The following COL4A1 variants were observed in gnomAD, a reference collection of about 807,000 sequenced individuals.
COL4A1 encodes collagen type IV alpha 1 chain.
Under a neutral mutation model 216.6 loss-of-function variants are expected in COL4A1, and 40 were observed. That is an observed-to-expected ratio of 0.18 (90% CI 0.14 to 0.24). COL4A1 has a LOEUF of 0.24. COL4A1 is among the 10% of genes least tolerant of loss of function. The probability of loss-of-function intolerance (pLI) is 1.00; values close to 1 mark genes in which losing one functional copy is unlikely to be tolerated. For synonymous variants in COL4A1, 839 were observed against 810.7 expected (o/e 1.03, Z -0.59); for missense variants, 1,628 against 2,196.8 (o/e 0.74, Z 5.18).
In COL4A1 at chr13:110,207,172, A is replaced by C. The variant is rs1391850700; in HGVS notation, c.780+231T>G. Among the ~76,000 whole-genome samples the C allele has an allele frequency of 6.6e-6, 1 of 151,758 alleles. No homozygotes were observed. The highest frequency in any genetic ancestry group is 1.5e-5 in the Non-Finnish European group (1 of 67,978). On this transcript the variant is annotated intron_variant, in intron 13 of 51. Transcript: ENST00000375820. The surrounding 1 kb of genome is among the most constrained non-coding windows in gnomAD (Gnocchi z 4.4). ...ATCTCCAACTTGGGGCACATTTAAG[A>C]AGCCCTGATCCAGCGGGGTGAGCCT...
intron 1 of COL4A1, among the ~76,000 whole-genome samples, chr13:110,255,333 G>A (rs1460774881): frequency 1.3e-5 from 2 of 151,716 alleles, no homozygotes; most frequent in African/African-American, 4.8e-5. Context: ...GTATTAGCAT[G>A]AGGAGGGAAG....
chr13:110,177,273 T>C (rs201902413), intron 33 of COL4A1, among the ~76,000 whole-genome samples: 3 of 152,234 alleles, frequency 2.0e-5, no homozygotes, highest in East Asian at 1.9e-4. Context: ...CTCTACTGCA[T>C]GTGACTTGGC....
chr13:110,161,078 A>G, intron 49 of COL4A1, 114 bp downstream of exon 49: 1 of 1,092,064 alleles, frequency 9.2e-7, no homozygotes, highest in Non-Finnish European at 1.4e-6. Flanking sequence ...ACAAATAATA[A>G]GCTAAATGGC....
intron 2 of COL4A1, among the ~76,000 whole-genome samples, chr13:110,229,932 G>A (rs534456222): frequency 3.3e-5 from 5 of 152,270 alleles, no homozygotes; most frequent in East Asian, 1.9e-4. Context: ...GACTTCTGCC[G>A]GCTGGCCTTG....
chr13:110,235,000 A>C (rs1254073650), intron 2 of COL4A1, among the ~76,000 whole-genome samples: 5 of 152,228 alleles, frequency 3.3e-5, no homozygotes, highest in Non-Finnish European at 7.3e-5. Flanking sequence ...TTGTACACTA[A>C]GGAACACTTT....
At chr13:110,170,119 A>AGAG (rs368776415) in intron 42 of COL4A1, among the ~76,000 whole-genome samples, 2 of 4,190 alleles carry the variant, frequency 4.8e-4, no homozygotes, top group Admixed American at 4.2e-3. Flanking sequence ...GGAAAGAAGG[A>AGAG]AGGAAGGAAG....
At chr13:110,170,827 T>C (rs1045282221) in intron 41 of COL4A1, 95 bp from the exon 42 acceptor site, 2 of 1,359,966 alleles carry the variant, frequency 1.5e-6, no homozygotes, top group African/African-American at 2.8e-5. Flanking sequence ...GCGTGCCTCA[T>C]CCTGTAGGTA....
chr13:110,235,065 G>A (rs76339446), intron 2 of COL4A1, among the ~76,000 whole-genome samples: 2,611 of 152,178 alleles, frequency 0.017, 63 homozygotes, highest in African/African-American at 0.058. Context: ...TAAGAAAATT[G>A]AATTTCTTTT....
intron 17 of COL4A1, among the ~76,000 whole-genome samples, chr13:110,205,079 T>C (rs1879427505): frequency 6.6e-6 from 1 of 152,232 alleles, no homozygotes; most frequent in African/African-American, 2.4e-5. Context: ...TCGTGATATC[T>C]TTCTGTATTT....
At chr13:110,159,470 C>T (rs1876964374) in intron 49 of COL4A1, among the ~76,000 whole-genome samples, 1 of 152,146 alleles carries the variant, frequency 6.6e-6, no homozygotes, top group African/African-American at 2.4e-5. Flanking sequence ...CTGGTGAGGA[C>T]GTGGAGCAAC....
intron 33 of COL4A1, 27 bp from the exon 34 acceptor site, chr13:110,177,064 G>C: frequency 6.2e-7 from 1 of 1,612,518 alleles, no homozygotes; most frequent in Non-Finnish European, 8.5e-7. Flanking sequence ...AGGCACTGGT[G>C]AGCCTGGGCC....
chr13:110,205,961 G>A (rs1410603653), intron 15 of COL4A1, among the ~76,000 whole-genome samples: 1 of 151,928 alleles, frequency 6.6e-6, no homozygotes. Context: ...ACACAAGCAA[G>A]GTAAATGAGG....
rs935004874 is a variant in COL4A1, at chr13:110,211,989, A to G, written c.388-67T>C. On this transcript the variant is annotated intron_variant, in intron 6 of 51. Coordinates refer to ENST00000375820, the MANE Select transcript of COL4A1 (RefSeq NM_001845.6). The surrounding 1 kb of genome is among the most constrained non-coding windows in gnomAD (Gnocchi z 4.3). ...GCAGACACATCAGCCCTGACATCGC[A>G]TGCATCACTCTGCCCTACCCTTCAT... The G allele has an allele frequency of 1.4e-6, 2 of 1,434,206 alleles. No individual in the cohort carries two copies. The highest frequency in any genetic ancestry group is 2.0e-6 in the Non-Finnish European group (2 of 1,016,178). 88.8% of individuals were successfully genotyped at this position (1,434,206 alleles called of 1,614,324 possible). A position where few individuals can be genotyped will look rare whatever the true frequency, so the allele number is the denominator to read the frequency against.
intron 1 of COL4A1, among the ~76,000 whole-genome samples, chr13:110,258,383 T>C (rs758892908): frequency 8.6e-5 from 13 of 152,016 alleles, no homozygotes; most frequent in Non-Finnish European, 1.6e-4. Flanking sequence ...ACTAAAAAAA[T>C]ACAAAAATTA....
intron 1 of COL4A1, among the ~76,000 whole-genome samples, chr13:110,272,175 G>A (rs1318333516): frequency 6.6e-6 from 1 of 152,200 alleles, no homozygotes. Context: ...GTAATGTACA[G>A]CACATAGGTG....
intron 11 of COL4A1, 54 bp downstream of exon 11, chr13:110,209,338 T>C: frequency 6.5e-7 from 1 of 1,530,324 alleles, no homozygotes; most frequent in South Asian, 1.2e-5. Context: ...CTATAGCAAT[T>C]TCATGATAGC....
chr13:110,170,131 AAG>A (rs1327525785), intron 42 of COL4A1, among the ~76,000 whole-genome samples: 20 of 24,204 alleles, frequency 8.3e-4, no homozygotes, highest in African/African-American at 1.5e-3. Context: ...GGAAGGAAGG[AAG>A]GAAGGAAGGA....
At chr13:110,201,896 C>A (rs1196138658) in intron 18 of COL4A1, among the ~76,000 whole-genome samples, 2 of 152,150 alleles carry the variant, frequency 1.3e-5, no homozygotes, top group South Asian at 2.1e-4. Flanking sequence ...ACGGGAGAAT[C>A]GCTCGAACCC....
At chr13:110,198,715 A>T in intron 20 of COL4A1, 84 bp from the exon 21 acceptor site, 1 of 1,577,682 alleles carries the variant, frequency 6.3e-7, no homozygotes, top group Non-Finnish European at 8.7e-7. Context: ...ACTCTGTTCA[A>T]GGTAAAAATC....
Sources: gnomAD v4.1 joint callset for allele counts (sites outside exome capture counted in the v4.1 genomes callset) on GRCh38, gnomAD v4.1.1 for gene constraint, Gnocchi (gnomAD v3.1) non-coding constraint, MANE v1.5 for transcripts, NCBI Gene and HGNC (gene_info 2026-07-23, HGNC 2026-07-21) for gene names.